The following STK32B variants were observed in gnomAD, a reference collection of about 807,000 sequenced individuals.
STK32B encodes serine/threonine-protein kinase 32B.
Under a neutral mutation model 52.6 loss-of-function variants are expected in STK32B, and 43 were observed. That is an observed-to-expected ratio of 0.82 (90% CI 0.64 to 1.05). The LOEUF (loss-of-function observed/expected upper bound fraction) is 1.05. Ranked by LOEUF, STK32B falls within the 50% of genes least tolerant of loss-of-function variation. STK32B has a pLI of 0.00. For synonymous variants in STK32B, 238 were observed against 204.3 expected (o/e 1.17, Z -1.41); for missense variants, 621 against 534.6 (o/e 1.16, Z -1.59).
chr4:5,365,294 G>A (rs1010983871), intron 4 of STK32B, among the ~76,000 whole-genome samples: 6 of 152,032 alleles, frequency 3.9e-5, no homozygotes, highest in Admixed American at 1.3e-4. Context: ...ATTTATTTAC[G>A]TATCTGCCTC....
intron 1 of STK32B, among the ~76,000 whole-genome samples, chr4:5,055,932 G>T (rs1046447406): frequency 3.3e-5 from 5 of 151,036 alleles, no homozygotes; most frequent in South Asian, 2.1e-4. Flanking sequence ...CTTGGTTATT[G>T]TCTGTCTTTC....
In STK32B at chr4:5,224,561, T is replaced by C. The variant is rs111617533; in HGVS notation, c.260+56111T>C. ...ACTTGGCTTGATATCACATATTTGC[T>C]GCTGGTCTTTTCCTTCCTGGTTCCA... On this transcript the variant is annotated intron_variant, in intron 3 of 11. Coordinates refer to ENST00000282908, the MANE Select transcript of STK32B (RefSeq NM_018401.3). Among the ~76,000 whole-genome samples, 941 of 152,300 alleles carry C rather than the reference T, an allele frequency of 6.2e-3. 6 individuals are homozygous for C. Among genetic ancestry groups the C allele is most frequent in the African/African-American group, 0.021 (858 of 41,548 alleles).
chr4:5,415,688 A>G (rs189624497), intron 5 of STK32B, among the ~76,000 whole-genome samples: 2 of 152,318 alleles, frequency 1.3e-5, no homozygotes, highest in East Asian at 3.9e-4. Flanking sequence ...CATCTCACCT[A>G]GGATCACTGG....
At chr4:5,086,998 A>G (rs1560144166) in intron 1 of STK32B, among the ~76,000 whole-genome samples, 1 of 152,244 alleles carries the variant, frequency 6.6e-6, no homozygotes, top group Non-Finnish European at 1.5e-5. Context: ...GCATGAAGAA[A>G]TTAAGAACAC....
chr4:5,035,436 G>T, the STK32B span, among the ~76,000 whole-genome samples: 4 of 152,338 alleles, frequency 2.6e-5, no homozygotes, highest in Admixed American at 2.6e-4. Context: ...CAGCAGGAGA[G>T]GCAGGAGGGA....
chr4:5,020,129 C>G, the STK32B span, among the ~76,000 whole-genome samples: 1 of 152,284 alleles, frequency 6.6e-6, no homozygotes, highest in African/African-American at 2.4e-5. Flanking sequence ...CCTCAAGCTC[C>G]CAGCACAGGC....
rs1314749332 is a variant in STK32B at position 5,463,753 on chromosome 4, C to T, written c.910-2950C>T. Among the ~76,000 whole-genome samples the T allele has an allele frequency of 2.6e-5, 4 of 152,270 alleles. No individual in the cohort carries two copies. In the East Asian group the frequency reaches 5.8e-4, roughly 22 times the overall value. On this transcript the variant is annotated intron_variant, in intron 9 of 11. Transcript: ENST00000282908. ...AGCCTCCCCTCTGGCTGTGCTGTCT[C>T]CTAGCTGGAACCTTGCACAGGCCGC...
intron 2 of STK32B, among the ~76,000 whole-genome samples, chr4:5,143,321 T>G (rs550462226): frequency 1.3e-4 from 20 of 152,202 alleles, no homozygotes; most frequent in Non-Finnish European, 2.8e-4. Context: ...ATGAGTTTAC[T>G]CTTGTCTCCT....
chr4:5,313,222 A>G (rs1730431784), intron 3 of STK32B, among the ~76,000 whole-genome samples: 1 of 152,026 alleles, frequency 6.6e-6, no homozygotes, highest in East Asian at 1.9e-4. Context: ...TTGCAACACT[A>G]GTTCGATATT....
intron 3 of STK32B, among the ~76,000 whole-genome samples, chr4:5,243,046 G>C (rs1725156980): frequency 6.6e-6 from 1 of 152,174 alleles, no homozygotes; most frequent in Non-Finnish European, 1.5e-5. Context: ...GCTTAGGATT[G>C]ACTTGGTGAT....
chr4:5,403,393 T>C (rs1737444246), intron 5 of STK32B, among the ~76,000 whole-genome samples: 1 of 152,134 alleles, frequency 6.6e-6, no homozygotes, highest in Non-Finnish European at 1.5e-5. Context: ...TTCCTTCCCA[T>C]GGAAACCACA....
intron 1 of STK32B, among the ~76,000 whole-genome samples, chr4:5,123,928 G>C (rs536176369): frequency 1.3e-5 from 2 of 151,938 alleles, no homozygotes; most frequent in East Asian, 1.9e-4. Flanking sequence ...GCCTTTTATT[G>C]ATCACTTAGT....
rs147712813 is a variant in STK32B, at chr4:5,183,137, G to A, written c.260+14687G>A. 8.8e-3 allele frequency among the ~76,000 whole-genome samples: 1,343 copies of A among 152,194 alleles called. 18 individuals are homozygous for A. Among genetic ancestry groups the A allele is most frequent in the African/African-American group, 0.03 (1,247 of 41,506 alleles). On this transcript the variant is annotated intron_variant, in intron 3 of 11. Transcript: ENST00000282908. Reference sequence around the variant, plus strand: ...GCATTGGCTTCAACTTAAAGTCACCGACTGCATTAGCCCCTAGCAAGAGTC... The same window carrying A: ...GCATTGGCTTCAACTTAAAGTCACCAACTGCATTAGCCCCTAGCAAGAGTC...
chr4:5,314,023 TG>T (rs1271076382), intron 3 of STK32B, among the ~76,000 whole-genome samples: 1 of 152,156 alleles, frequency 6.6e-6, no homozygotes, highest in Non-Finnish European at 1.5e-5. Context: ...TTAATGCAAT[TG>T]CTATGAAAGT....
intron 4 of STK32B, among the ~76,000 whole-genome samples, chr4:5,347,029 C>T (rs1026295975): frequency 3.3e-5 from 5 of 152,150 alleles, no homozygotes; most frequent in African/African-American, 1.2e-4. Context: ...AGAGAAACTG[C>T]CCCTGTGATC....
At chr4:5,148,968 C>A (rs911646774) in intron 2 of STK32B, among the ~76,000 whole-genome samples, 4 of 151,666 alleles carry the variant, frequency 2.6e-5, no homozygotes, top group Non-Finnish European at 5.9e-5. Context: ...TATAAAATAT[C>A]CTTCTCTTTT....
At chr4:5,142,127 G>A (rs887092744) in intron 2 of STK32B, among the ~76,000 whole-genome samples, 4 of 152,194 alleles carry the variant, frequency 2.6e-5, no homozygotes, top group Non-Finnish European at 5.9e-5. Context: ...CCTTGGGAAT[G>A]TCCAATACAC....
At chr4:5,388,699 G>T (rs147187180) in intron 4 of STK32B, among the ~76,000 whole-genome samples, 56 of 152,334 alleles carry the variant, frequency 3.7e-4, no homozygotes, top group African/African-American at 1.3e-3. Flanking sequence ...GGGTGGGTCT[G>T]TGTTGGCTGC....
intron 3 of STK32B, among the ~76,000 whole-genome samples, chr4:5,257,200 T>C (rs939697595): frequency 2.0e-5 from 3 of 151,976 alleles, no homozygotes; most frequent in Non-Finnish European, 4.4e-5. Flanking sequence ...AGTGAGTGAA[T>C]GAGTGAGTGA....
Sources: allele counts gnomAD v4.1 joint callset (sites outside exome capture counted in the v4.1 genomes callset), GRCh38; gene constraint gnomAD v4.1.1; transcripts MANE v1.5; gene names NCBI Gene and HGNC (gene_info 2026-07-23, HGNC 2026-07-21).